Variants in FGF12 observed in about 807,000 individuals in gnomAD.
FGF12 encodes the protein fibroblast growth factor 12B.
FGF12 carries 14 observed loss-of-function variants against 23.6 expected under a neutral mutation model. The observed-to-expected ratio is 0.59, with a 90% confidence interval of 0.39 to 0.93. The LOEUF (loss-of-function observed/expected upper bound fraction) is 0.93. Ranked by LOEUF, FGF12 falls within the 40% of genes least tolerant of loss-of-function variation. FGF12 has a pLI of 0.00. For missense variants in FGF12, 175 were observed against 217.8 expected (o/e 0.80, Z 1.24); for synonymous variants, 62 against 77.3 (o/e 0.80, Z 1.04).
intron 4 of FGF12, among the ~76,000 whole-genome samples, chr3:192,223,501 G>A (rs923266738): frequency 2.0e-5 from 3 of 152,122 alleles, no homozygotes; most frequent in Non-Finnish European, 4.4e-5. Context: ...TGGCTCCTCA[G>A]ATAATATGGA....
At chr3:192,147,214 T>A (rs1435282690) in intron 5 of FGF12, among the ~76,000 whole-genome samples, 2 of 152,336 alleles carry the variant, frequency 1.3e-5, no homozygotes, top group African/African-American at 4.8e-5. Flanking sequence ...ATGTAATTTC[T>A]TGAGCATTAA....
At chr3:192,636,646 G>A (rs923207232) in intron 2 of FGF12, among the ~76,000 whole-genome samples, 2 of 152,178 alleles carry the variant, frequency 1.3e-5, no homozygotes, top group Non-Finnish European at 1.5e-5. Context: ...GTTTGAGGAA[G>A]AGTCATAGCT....
chr3:192,392,602 G>C (rs1337360372), intron 2 of FGF12, among the ~76,000 whole-genome samples: 1 of 103,438 alleles, frequency 9.7e-6, no homozygotes, highest in African/African-American at 3.8e-5. Context: ...GAGAGAGAGA[G>C]AGAGAGAGAG....
At chr3:192,411,501 ACG>A (rs1721199870) in intron 2 of FGF12, among the ~76,000 whole-genome samples, 1 of 152,336 alleles carries the variant, frequency 6.6e-6, no homozygotes, top group Admixed American at 6.5e-5. Flanking sequence ...AAAAAGACAC[ACG>A]CACACACACA....
chr3:192,352,020 A>G (rs4279038), intron 3 of FGF12, among the ~76,000 whole-genome samples: 86,715 of 151,962 alleles, frequency 0.57, 27,262 homozygotes, highest in East Asian at 0.84. Flanking sequence ...TACCTATATC[A>G]CTACATATTT....
chr3:192,637,138 C>T (rs1336077744), intron 2 of FGF12, among the ~76,000 whole-genome samples: 2 of 152,200 alleles, frequency 1.3e-5, no homozygotes, highest in Non-Finnish European at 2.9e-5. Flanking sequence ...TTGGATAAGG[C>T]AATGGAAATC....
chr3:192,723,490 T>G (rs1719103314), intron 2 of FGF12, among the ~76,000 whole-genome samples: 1 of 152,112 alleles, frequency 6.6e-6, no homozygotes, highest in Non-Finnish European at 1.5e-5. Context: ...GACCATTAGA[T>G]TTTGTTGAAA....
At chr3:192,556,312 G>T (rs972999601) in intron 2 of FGF12, among the ~76,000 whole-genome samples, 18 of 152,244 alleles carry the variant, frequency 1.2e-4, no homozygotes, top group Admixed American at 1.1e-3. Flanking sequence ...CAGACTGAAA[G>T]TGAAGAGATG....
At chr3:192,269,648 A>G (rs760840447) in intron 4 of FGF12, among the ~76,000 whole-genome samples, 51 of 152,230 alleles carry the variant, frequency 3.4e-4, no homozygotes, top group Non-Finnish European at 5.4e-4. Context: ...TAGTTCCTCT[A>G]TATAACACTA....
At chr3:192,150,977 C>G (rs917109408) in intron 5 of FGF12, among the ~76,000 whole-genome samples, 1 of 146,424 alleles carries the variant, frequency 6.8e-6, no homozygotes, top group Admixed American at 6.9e-5. Context: ...TTGTTTGTAT[C>G]CTCTTTTATT....
At chr3:192,652,150 C>T (rs921621627) in intron 2 of FGF12, among the ~76,000 whole-genome samples, 18 of 152,276 alleles carry the variant, frequency 1.2e-4, no homozygotes, top group African/African-American at 3.6e-4. Flanking sequence ...GTGGATAAAA[C>T]GAATTGTATG....
chr3:192,710,611 G>C (rs557183236), intron 2 of FGF12, among the ~76,000 whole-genome samples: 3 of 152,328 alleles, frequency 2.0e-5, no homozygotes, highest in African/African-American at 7.2e-5. Flanking sequence ...GATTTGTCTA[G>C]AAGTGAGCTG....
intron 5 of FGF12, among the ~76,000 whole-genome samples, chr3:192,146,528 C>T (rs1325079936): frequency 6.6e-6 from 1 of 152,160 alleles, no homozygotes; most frequent in East Asian, 1.9e-4. Context: ...CTCGACCTCC[C>T]AAAGTGCTGG....
intron 2 of FGF12, among the ~76,000 whole-genome samples, chr3:192,368,297 T>A (rs1172277523): frequency 6.6e-6 from 1 of 152,146 alleles, no homozygotes; most frequent in Non-Finnish European, 1.5e-5. Context: ...GGATAAAACA[T>A]AAAGCGTGCA....
chr3:192,441,943 C>T (rs185008129), intron 2 of FGF12, among the ~76,000 whole-genome samples: 36 of 152,268 alleles, frequency 2.4e-4, no homozygotes, highest in Admixed American at 1.8e-3. Flanking sequence ...TCCCTTAGAA[C>T]GACAATAATA....
intron 2 of FGF12, among the ~76,000 whole-genome samples, chr3:192,647,159 G>T (rs574012013): frequency 6.6e-6 from 1 of 152,198 alleles, no homozygotes; most frequent in African/African-American, 2.4e-5. Context: ...AAGATGACAA[G>T]ATCCATGTGT....
chr3:192,488,634 G>A (rs1723708779), intron 2 of FGF12, among the ~76,000 whole-genome samples: 1 of 151,754 alleles, frequency 6.6e-6, no homozygotes, highest in Non-Finnish European at 1.5e-5. Flanking sequence ...ATTAACAAAC[G>A]ACCATCAAAG....
intron 3 of FGF12, among the ~76,000 whole-genome samples, chr3:192,353,351 C>A (rs1183738634): frequency 6.8e-6 from 1 of 147,560 alleles, no homozygotes; most frequent in Non-Finnish European, 1.5e-5. Context: ...CAGAAAGATA[C>A]ATGGGAGCAG....
intron 2 of FGF12, among the ~76,000 whole-genome samples, chr3:192,671,004 G>A (rs1487235946): frequency 6.6e-6 from 1 of 152,112 alleles, no homozygotes; most frequent in Non-Finnish European, 1.5e-5. Flanking sequence ...GTAATCTCAG[G>A]GAATCACCTA....
Sources: allele counts gnomAD v4.1 joint callset (sites outside exome capture counted in the v4.1 genomes callset), GRCh38; gene constraint gnomAD v4.1.1; transcripts MANE v1.5; gene names NCBI Gene and HGNC (gene_info 2026-07-23, HGNC 2026-07-21).